AUTS2: variants seen among roughly 807,000 people sequenced by gnomAD.
AUTS2 encodes the protein autism susceptibility gene 2 protein.
AUTS2 carries 17 observed loss-of-function variants against 112.4 expected under a neutral mutation model. The ratio of observed to expected loss-of-function variants is 0.15; its 90% confidence interval spans 0.10 to 0.23. The LOEUF is 0.23. AUTS2 is among the 10% of genes least tolerant of loss of function. The pLI is 1.00. For synonymous variants in AUTS2, 751 were observed against 702.7 expected (o/e 1.07, Z -1.09); for missense variants, 1,510 against 1,701.6 (o/e 0.89, Z 1.98).
intron 4 of AUTS2, among the ~76,000 whole-genome samples, chr7:70,400,480 C>T (rs917876854): frequency 6.6e-6 from 1 of 152,094 alleles, no homozygotes; most frequent in Non-Finnish European, 1.5e-5. Context: ...GCAGAGAAAA[C>T]AGTTTGACCG....
rs185679739 is a variant in AUTS2 at position 69,850,706 on chromosome 7, T to C, written c.310-48580T>C. Among the ~76,000 whole-genome samples the C allele has an allele frequency of 5.8e-3, 888 of 152,340 alleles. 2 individuals carry two copies. Among genetic ancestry groups the C allele is most frequent in the Admixed American group, 0.011 (164 of 15,300 alleles). On this transcript the variant is annotated intron_variant, in intron 1 of 18. Coordinates refer to ENST00000342771, the MANE Select transcript of AUTS2 (RefSeq NM_015570.4). ...CCATTCTTTTGGATTATTTGACTTTTACTGTTAAGTTTTGAAATGTTCTTT... is the reference window on the plus strand; with the variant it reads ...CCATTCTTTTGGATTATTTGACTTTCACTGTTAAGTTTTGAAATGTTCTTT...
chr7:69,734,349 T>C (rs1338643719), intron 1 of AUTS2, among the ~76,000 whole-genome samples: 1 of 103,500 alleles, frequency 9.7e-6, no homozygotes, highest in Admixed American at 8.8e-5. Context: ...TCCTCTTTAG[T>C]TTTTTTTTTT....
At position 69,617,956 on chromosome 7, in the gene AUTS2, A is replaced by C. The variant is rs146265006; in HGVS notation, c.309+17994A>C. ...TTAACCACAATGGCTCATGTTTATC[A>C]CAGGCTTACTGCTTGTGATGTTTGT... On this transcript the variant is annotated intron_variant, in intron 1 of 18. Transcript: ENST00000342771. Among the ~76,000 whole-genome samples the C allele has an allele frequency of 2.0e-3, 302 of 152,284 alleles. 1 individual carries two copies. The highest frequency in any genetic ancestry group is 6.8e-3 in the African/African-American group (284 of 41,560).
At chr7:70,762,832 C>A in intron 6 of AUTS2, 38 bp from the exon 7 acceptor site, 1 of 1,439,376 alleles carries the variant, frequency 6.9e-7, no homozygotes, top group Non-Finnish European at 9.8e-7. Flanking sequence ...ACTCGCATGT[C>A]ATTGCCTGTG....
chr7:69,639,219 G>A (rs1259882583), intron 1 of AUTS2, among the ~76,000 whole-genome samples: 3 of 152,142 alleles, frequency 2.0e-5, no homozygotes, highest in African/African-American at 7.2e-5. Flanking sequence ...AAATGATAGC[G>A]AAGTATAATA....
intron 4 of AUTS2, among the ~76,000 whole-genome samples, chr7:70,161,195 A>G (rs776969038): frequency 2.7e-4 from 41 of 152,162 alleles, no homozygotes; most frequent in Non-Finnish European, 5.3e-4. Flanking sequence ...AAAATCAAGC[A>G]TCTGACTTCC....
chr7:70,435,852 G>A, intron 5 of AUTS2, 71 bp downstream of exon 5: 1 of 1,521,172 alleles, frequency 6.6e-7, no homozygotes, highest in Non-Finnish European at 9.1e-7. Context: ...CCCACACACA[G>A]CTGCAGGGTA....
chr7:69,947,850 G>A (rs887214697), intron 2 of AUTS2, among the ~76,000 whole-genome samples: 2 of 152,116 alleles, frequency 1.3e-5, no homozygotes, highest in Admixed American at 1.3e-4. Flanking sequence ...AGGTAGGTAC[G>A]GTTGTTATTC....
intron 1 of AUTS2, among the ~76,000 whole-genome samples, chr7:69,746,887 CCAT>C (rs1001931415): frequency 2.0e-5 from 3 of 152,122 alleles, no homozygotes; most frequent in Non-Finnish European, 4.4e-5. Flanking sequence ...GCATGGGACA[CCAT>C]CATCAGCCAT....
At chr7:70,007,008 A>G (rs138293148) in intron 2 of AUTS2, among the ~76,000 whole-genome samples, 4 of 152,300 alleles carry the variant, frequency 2.6e-5, no homozygotes, top group African/African-American at 9.6e-5. Context: ...CGCAAAGCAG[A>G]ATTAGGCATA....
At chr7:70,701,525 T>G (rs1330545572) in intron 6 of AUTS2, among the ~76,000 whole-genome samples, 6 of 152,246 alleles carry the variant, frequency 3.9e-5, no homozygotes, top group Admixed American at 3.3e-4. Context: ...GATTTTATTT[T>G]GACTTTCCCT....
chr7:69,852,275 A>T (rs995990943), intron 1 of AUTS2, among the ~76,000 whole-genome samples: 4 of 152,098 alleles, frequency 2.6e-5, no homozygotes, highest in Admixed American at 2.6e-4. Context: ...TTTGGTCAGG[A>T]TGTATAATTC....
At chr7:69,865,624 A>G (rs1283749869) in intron 1 of AUTS2, among the ~76,000 whole-genome samples, 1 of 152,016 alleles carries the variant, frequency 6.6e-6, no homozygotes, top group Non-Finnish European at 1.5e-5. Flanking sequence ...GCGACATCAC[A>G]TTTTTCTTTT....
intron 1 of AUTS2, among the ~76,000 whole-genome samples, chr7:69,712,772 T>G (rs1434253419): frequency 6.6e-6 from 1 of 152,184 alleles, no homozygotes; most frequent in Non-Finnish European, 1.5e-5. Context: ...GGCAGGTGTA[T>G]GTTTAACTTT....
chr7:70,240,127 A>G (rs1011756784), intron 4 of AUTS2, among the ~76,000 whole-genome samples: 1 of 152,178 alleles, frequency 6.6e-6, no homozygotes, highest in Non-Finnish European at 1.5e-5. Context: ...CCTAGCAACC[A>G]GAATCTCCCA....
intron 4 of AUTS2, among the ~76,000 whole-genome samples, chr7:70,409,582 A>G (rs1010524069): frequency 5.9e-5 from 9 of 152,170 alleles, no homozygotes; most frequent in African/African-American, 2.2e-4. Flanking sequence ...GGAAGCAATC[A>G]CTGCTTACAT....
intron 4 of AUTS2, among the ~76,000 whole-genome samples, chr7:70,407,545 C>T (rs190474249): frequency 3.3e-4 from 51 of 152,290 alleles, no homozygotes; most frequent in African/African-American, 1.2e-3. Context: ...TGTTTGTGTA[C>T]ATGCCCGTCA....
At chr7:70,102,934 AT>A (rs1271558698) in intron 2 of AUTS2, among the ~76,000 whole-genome samples, 4 of 152,186 alleles carry the variant, frequency 2.6e-5, no homozygotes, top group Non-Finnish European at 4.4e-5. Flanking sequence ...AATGCAATTA[AT>A]ATATTAAGAT....
At position 69,670,555 on chromosome 7, in the gene AUTS2, C is replaced by CAA. The variant is rs200373158; in HGVS notation, c.309+70628_309+70629dup. Among the ~76,000 whole-genome samples the CAA allele has an allele frequency of 6.9e-4, 82 of 119,056 alleles. 3 individuals carry two copies. The highest frequency in any genetic ancestry group is 1.1e-3 in the African/African-American group (34 of 30,020). 78.1% of individuals were successfully genotyped at this position (119,056 alleles called of 152,430 possible). Reference sequence around the variant, plus strand: ...CATGGTTGTTTTTTACTTGATCCCTCAAAAAAAAAAAAAAAAAAAAAAAAA... The same window carrying CAA: ...CATGGTTGTTTTTTACTTGATCCCTCAAAAAAAAAAAAAAAAAAAAAAAAAAA... On this transcript the variant is annotated intron_variant, in intron 1 of 18. Transcript: ENST00000342771.
Sources: gnomAD v4.1 joint callset for allele counts (sites outside exome capture counted in the v4.1 genomes callset) on GRCh38, gnomAD v4.1.1 for gene constraint, MANE v1.5 for transcripts, NCBI Gene and HGNC (gene_info 2026-07-23, HGNC 2026-07-21) for gene names.